The following SHLD3 variants were observed in gnomAD, a reference collection of about 807,000 sequenced individuals.
SHLD3 encodes REV7-interacting novel NHEJ regulator 1.
Under a neutral mutation model 21.4 loss-of-function variants are expected in SHLD3, and 15 were observed. The ratio of observed to expected loss-of-function variants is 0.70; its 90% confidence interval spans 0.47 to 1.08. SHLD3 has a LOEUF of 1.08. Among genes scored for constraint, SHLD3 ranks in the 50% least tolerant of loss-of-function variants. SHLD3 has a pLI of 0.00. For synonymous variants in SHLD3, 103 were observed against 97.2 expected, an observed-to-expected ratio of 1.06 and a Z score of -0.35; for missense variants, 273 against 286.1, an observed-to-expected ratio of 0.95 and a Z score of 0.33.
intron 1 of SHLD3, among the ~76,000 whole-genome samples, chr5:65,627,665 T>C (rs1755313640): frequency 6.6e-6 from 1 of 151,834 alleles, no homozygotes; most frequent in Non-Finnish European, 1.5e-5. Context: ...ATAACACTGA[T>C]TGACTTTAGA....
intron 1 of SHLD3, chr5:65,625,595 C>T (rs1271872300): frequency 6.5e-6 from 1 of 153,300 alleles, no homozygotes; most frequent in Admixed American, 6.5e-5. Flanking sequence ...TACTTCAAAT[C>T]ACTGTGTATG....
At chr5:65,629,193 A>G (rs140485312) in intron 1 of SHLD3, among the ~76,000 whole-genome samples, 123 of 152,322 alleles carry the variant, frequency 8.1e-4, no homozygotes, top group African/African-American at 2.9e-3. Flanking sequence ...ATTAATATCG[A>G]TACTTCCAAG....
At chr5:65,629,266 A>G (rs1446950739) in intron 1 of SHLD3, among the ~76,000 whole-genome samples, 2 of 152,164 alleles carry the variant, frequency 1.3e-5, no homozygotes, top group African/African-American at 4.8e-5. Flanking sequence ...AAGTGATTTT[A>G]TAGGGCATCT....
In SHLD3 at chr5:65,629,671, A is replaced by G. The variant is rs940538659; in HGVS notation, c.84A>G (p.Gln28=). The change falls in exon 2 of 2, where the codon CAA becomes CAG. Residue 28 remains glutamine, a synonymous_variant. Coordinates refer to ENST00000510585, the MANE Select transcript of SHLD3 (RefSeq NM_001365341.2). ...QLPKIAEKAI[Q]DFPTRPLSRF... Reference sequence around the variant, plus strand: ...CAAAAATTGCAGAAAAAGCAATTCAAGACTTTCCTACTCGTCCGCTATCAA... The same window carrying G: ...CAAAAATTGCAGAAAAAGCAATTCAGGACTTTCCTACTCGTCCGCTATCAA... 1 of 1,535,960 alleles carries G rather than the reference A, an allele frequency of 6.5e-7. No homozygotes were observed. The highest frequency in any genetic ancestry group is 8.7e-7 in the Non-Finnish European group (1 of 1,146,904).
intron 1 of SHLD3, among the ~76,000 whole-genome samples, chr5:65,627,131 CAAAAAAAAAAA>C (rs60169195): frequency 5.2e-4 from 17 of 32,550 alleles, no homozygotes; most frequent in Admixed American, 1.3e-3. Flanking sequence ...GACCCTGTCT[CAAAAAAAAAAA>C]AAAAAAAAAA....
At chr5:65,625,431 C>T (rs983131766) in intron 1 of SHLD3, 5 of 336,404 alleles carry the variant, frequency 1.5e-5, no homozygotes, top group African/African-American at 1.1e-4. Flanking sequence ...GTGCTTTTTC[C>T]TTCTGTCTCT....
In SHLD3 at chr5:65,630,437, CTT is replaced by C. The variant is rs554729635; in HGVS notation, c.*101_*102del. On this transcript the variant is annotated 3_prime_UTR_variant, in exon 2 of 2. Coordinates refer to ENST00000510585, the MANE Select transcript of SHLD3 (RefSeq NM_001365341.2). ...TTACAGGTTTTAAAATTTTTAATGA[CTT>C]TTTAGAATTCCTAGGCTTGTCAATT... 6.1e-5 allele frequency: 86 copies of C among 1,406,444 alleles called. 1 individual carries two copies. The South Asian group carries it at 1.3e-3, about 22-fold the overall frequency. The allele number at this position is 1,406,444 out of a possible 1,614,324, so 87.1% of individuals were successfully genotyped here. A position where few individuals can be genotyped will look rare whatever the true frequency, so the allele number is the denominator to read the frequency against.
intron 1 of SHLD3, among the ~76,000 whole-genome samples, chr5:65,627,640 A>T (rs1581203393): frequency 6.6e-6 from 1 of 151,404 alleles, no homozygotes; most frequent in African/African-American, 2.4e-5. Flanking sequence ...AAAAAAAAAA[A>T]GTCATCCCTT....
chr5:65,628,019 G>A (rs1403840173), intron 1 of SHLD3, among the ~76,000 whole-genome samples: 1 of 152,146 alleles, frequency 6.6e-6, no homozygotes, highest in Non-Finnish European at 1.5e-5. Flanking sequence ...GGGGAGAAGG[G>A]ATTCAACTTA....
In SHLD3 at chr5:65,625,117, G is replaced by A; in HGVS notation, c.-121+11G>A. The A allele has an allele frequency of 1.2e-6, 2 of 1,611,302 alleles. No individual in the cohort carries two copies. The highest frequency in any genetic ancestry group is 1.7e-6 in the Non-Finnish European group (2 of 1,177,490). The stretch of plus-strand genomic sequence containing the variant: ...TGCTGGCGCTAAAAGGTAAACTTTT[G>A]CGAACCTGATTCCCCCTTTTCTGTT... On this transcript the variant is annotated intron_variant, in intron 1 of 1. Transcript: ENST00000510585.
intron 1 of SHLD3, among the ~76,000 whole-genome samples, chr5:65,629,108 T>C (rs2150659986): frequency 6.6e-6 from 1 of 152,326 alleles, no homozygotes; most frequent in East Asian, 1.9e-4. Context: ...TTAATTCATA[T>C]GAAAACAATA....
At position 65,629,561 on chromosome 5, in the gene SHLD3, C is replaced by T. The variant is rs1755431850; in HGVS notation, c.-27C>T. ...GAGTTCAACTAAGAAATTTTCTCAT[C>T]ACTAAGAGTAACTGGATTACTGCAG... On this transcript the variant is annotated 5_prime_UTR_variant, in exon 2 of 2. Coordinates refer to ENST00000510585, the MANE Select transcript of SHLD3 (RefSeq NM_001365341.2). 1 of 1,492,488 alleles carries T rather than the reference C, an allele frequency of 6.7e-7. No homozygotes were observed. Among genetic ancestry groups the T allele is most frequent in the Non-Finnish European group, 8.9e-7 (1 of 1,125,980 alleles). 92.5% of individuals were successfully genotyped at this position (1,492,488 alleles called of 1,614,324 possible). A position where few individuals can be genotyped will look rare whatever the true frequency, so the allele number is the denominator to read the frequency against.
chr5:65,625,837 A>T (rs1755198112), intron 1 of SHLD3: 1 of 152,142 alleles, frequency 6.6e-6, no homozygotes, highest in Admixed American at 6.5e-5. Flanking sequence ...TGGATGCCTT[A>T]ATATATGGTT....
rs372521775 is a variant in SHLD3 at position 65,630,738 on chromosome 5, T to G, written c.*398T>G. 2 of 919,572 alleles carry G rather than the reference T, an allele frequency of 2.2e-6. No homozygotes were observed. Among genetic ancestry groups the G allele is most frequent in the Non-Finnish European group, 2.6e-6 (2 of 768,158 alleles). The allele number at this position is 919,572 out of a possible 1,614,324, so 57.0% of individuals were successfully genotyped here. On this transcript the variant is annotated 3_prime_UTR_variant, in exon 2 of 2. Coordinates refer to ENST00000510585, the MANE Select transcript of SHLD3 (RefSeq NM_001365341.2). ...TGCTATTTATGTGGCATGAATGTAG[T>G]TCAAAGTGGGAGACTAGTCTAGATT...
At chr5:65,626,295 C>T (rs1755226301) in intron 1 of SHLD3, 1 of 152,220 alleles carries the variant, frequency 6.6e-6, no homozygotes, top group South Asian at 2.1e-4. Context: ...CAACGCAAGG[C>T]CTGCCTCTCT....
chr5:65,628,088 G>A (rs1046324003), intron 1 of SHLD3, among the ~76,000 whole-genome samples: 1 of 152,070 alleles, frequency 6.6e-6, no homozygotes, highest in South Asian at 2.1e-4. Context: ...TACAGCTTTG[G>A]GCCTGATTAG....
At chr5:65,626,364 C>A (rs1755230860) in intron 1 of SHLD3, among the ~76,000 whole-genome samples, 1 of 152,222 alleles carries the variant, frequency 6.6e-6, no homozygotes, top group Admixed American at 6.5e-5. Context: ...GATAATTCCT[C>A]TACCAGCTAC....
At chr5:65,627,572 G>A (rs1755304817) in intron 1 of SHLD3, among the ~76,000 whole-genome samples, 1 of 151,376 alleles carries the variant, frequency 6.6e-6, no homozygotes, top group Non-Finnish European at 1.5e-5. Context: ...GAAGGTTGCT[G>A]TAAGCCGAGA....
Position 65,630,066 on chromosome 5 carries a change from A to G in SHLD3, c.479A>G (p.Asn160Ser). The G allele has an allele frequency of 6.5e-7, 1 of 1,536,102 alleles. No homozygotes were observed. Among genetic ancestry groups the G allele is most frequent in the South Asian group, 1.2e-5 (1 of 84,062 alleles). The change falls in exon 2 of 2, where the codon AAT (asparagine) becomes AGT (serine). Residue 160 changes from asparagine (N) to serine (S), a missense_variant. Asn to Ser is a conservative substitution (Grantham distance 46). Transcript: ENST00000510585. ...TTGCAAGATAGTTTAAAGGCACTAAATTTACACTCACTTTATAGAGCAAGA... is the reference window on the plus strand; with the variant it reads ...TTGCAAGATAGTTTAAAGGCACTAAGTTTACACTCACTTTATAGAGCAAGA... ...KKLQDSLKAL[N>S]LHSLYRARWT...
Sources: gnomAD v4.1 joint callset for allele counts (sites outside exome capture counted in the v4.1 genomes callset) on GRCh38, gnomAD v4.1.1 for gene constraint, MANE v1.5 for transcripts, NCBI Gene and HGNC (gene_info 2026-07-23, HGNC 2026-07-21) for gene names.